Variants in GCA observed in about 807,000 individuals in gnomAD.
The protein encoded by GCA is grancalcin, also known as grancalcin, EF-hand calcium-binding protein.
Under a neutral mutation model 32.6 loss-of-function variants are expected in GCA, and 30 were observed. The observed-to-expected ratio is 0.92, with a 90% CI of 0.69 to 1.25. The LOEUF (loss-of-function observed/expected upper bound fraction) is 1.25, where lower values mean the gene tolerates loss of function less well. GCA is among the 50% of genes most tolerant of loss of function. The pLI is 0.00. For synonymous variants in GCA, 102 were observed against 84.6 expected, an observed-to-expected ratio of 1.21 and a Z score of -1.13; for missense variants, 291 against 266.8, an observed-to-expected ratio of 1.09 and a Z score of -0.63.
intron 3 of GCA, among the ~76,000 whole-genome samples, chr2:162,355,829 G>A (rs964367894): frequency 1.3e-5 from 2 of 149,826 alleles, no homozygotes; most frequent in Non-Finnish European, 3.0e-5. Flanking sequence ...AATTACCAAT[G>A]GACTTACCTA....
chr2:162,347,620 C>T lies in GCA; in HGVS notation c.70C>T (p.Gln24Ter). The change falls in exon 2 of 8, where the codon CAG becomes TAG. Residue 24 changes from glutamine to a stop codon, truncating the protein, a stop_gained. Transcript: ENST00000437150. LOFTEE classifies it high-confidence loss of function. ...TCAGGTGCCAGGAATGCAGATGGGA[C>T]AGCCAGTGCCAGAAACAGGCCCAGC... ...SIQVPGMQMG[Q>*]PVPETGPAIL... is the part of the protein sequence containing the mutation. 3.7e-6 allele frequency: 6 copies of T among 1,609,714 alleles called. No individual in the cohort carries two copies. Among genetic ancestry groups the T allele is most frequent in the Non-Finnish European group, 5.1e-6 (6 of 1,177,114 alleles).
chr2:162,318,842 A>T, upstream of GCA: 1 of 183,538 alleles, frequency 5.4e-6, no homozygotes, highest in Non-Finnish European at 1.2e-5. Context: ...CAGAAAAGGA[A>T]AGCGAATTCT....
At chr2:162,332,010 T>C (rs1262924821) in intron 1 of GCA, among the ~76,000 whole-genome samples, 1 of 152,068 alleles carries the variant, frequency 6.6e-6, no homozygotes, top group African/African-American at 2.4e-5. Flanking sequence ...TTAGGCATTA[T>C]ATAAAATACA....
chr2:162,350,262 G>A (rs554652628), intron 2 of GCA, among the ~76,000 whole-genome samples: 2 of 152,304 alleles, frequency 1.3e-5, no homozygotes, highest in East Asian at 3.9e-4. Flanking sequence ...CTGGAAAGGG[G>A]ACTTGAGGTA....
In GCA at chr2:162,326,677, C is replaced by A. The variant is rs536864682; in HGVS notation, c.-31+7452C>A. Among the ~76,000 whole-genome samples, 10 of 152,274 alleles carry A rather than the reference C, an allele frequency of 6.6e-5. No individual in the cohort carries two copies. The South Asian group carries it at 8.3e-4, about 13-fold the overall frequency. ...GACTACAGGCAAGCCCCACCATGCC[C>A]AACTAATTTTTTGTATTTTTAGTAG... On this transcript the variant is annotated intron_variant, in intron 1 of 4. Transcript: ENST00000429691.
intron 1 of GCA, among the ~76,000 whole-genome samples, chr2:162,331,947 A>G (rs560779647): frequency 2.4e-4 from 36 of 152,310 alleles, no homozygotes; most frequent in South Asian, 1.0e-3. Flanking sequence ...TTCATCTGCT[A>G]AATTCATTGG....
rs186980506 is a variant in GCA at position 162,326,664 on chromosome 2, G to A, written c.-31+7439G>A. On this transcript the variant is annotated intron_variant, in intron 1 of 4. Transcript: ENST00000429691. ...CCCAAGTAGCTGGGACTACAGGCAA[G>A]CCCCACCATGCCCAACTAATTTTTT... Among the ~76,000 whole-genome samples the A allele has an allele frequency of 4.4e-3, 673 of 152,224 alleles. 8 individuals carry two copies. Among genetic ancestry groups the A allele is most frequent in the African/African-American group, 0.015 (639 of 41,542 alleles).
chr2:162,332,308 CAAAA>C (rs1230075576), intron 1 of GCA, among the ~76,000 whole-genome samples: 9 of 111,110 alleles, frequency 8.1e-5, no homozygotes, highest in Admixed American at 4.2e-4. Flanking sequence ...GACTCCATCT[CAAAA>C]AAAAAAAAAA....
At chr2:162,359,337 T>C (rs1685452840) in intron 6 of GCA, 157 bp from the exon 7 acceptor site, 1 of 590,006 alleles carries the variant, frequency 1.7e-6, no homozygotes. Context: ...CGTTATGTTA[T>C]TTTTGGAAGT....
chr2:162,343,974 T>G, upstream of GCA: 1 of 501,192 alleles, frequency 2.0e-6, no homozygotes, highest in Non-Finnish European at 3.6e-6. Flanking sequence ...CCCGATGGGG[T>G]GTAGCCAATC....
downstream of GCA, chr2:162,373,744 C>A: frequency 1.1e-6 from 1 of 907,762 alleles, no homozygotes; most frequent in Non-Finnish European, 1.5e-6. Context: ...TCAGCACTAC[C>A]AAGAAACAGA....
intron 1 of GCA, among the ~76,000 whole-genome samples, chr2:162,321,087 T>C (rs1375911630): frequency 6.6e-6 from 1 of 152,190 alleles, no homozygotes; most frequent in Non-Finnish European, 1.5e-5. Flanking sequence ...ATAGTCTTGA[T>C]GGGACCCTTT....
chr2:162,320,351 A>G (rs1683618459), intron 1 of GCA, among the ~76,000 whole-genome samples: 1 of 152,222 alleles, frequency 6.6e-6, no homozygotes, highest in African/African-American at 2.4e-5. Flanking sequence ...TGGGTCTATG[A>G]AAATATCTTT....
At chr2:162,353,199 G>A (rs1160328691) in intron 3 of GCA, among the ~76,000 whole-genome samples, 2 of 152,130 alleles carry the variant, frequency 1.3e-5, no homozygotes, top group East Asian at 1.9e-4. Context: ...GCCAGGCGCC[G>A]TGGCTCATGC....
upstream of GCA, among the ~76,000 whole-genome samples, chr2:162,340,324 C>T (rs1006943165): frequency 6.6e-6 from 1 of 152,184 alleles, no homozygotes; most frequent in African/African-American, 2.4e-5. Flanking sequence ...CTTGATTTGG[C>T]ACTATCCCAA....
chr2:162,346,730 G>A (rs1043120961), intron 1 of GCA: 2 of 152,194 alleles, frequency 1.3e-5, no homozygotes, highest in African/African-American at 4.8e-5. Flanking sequence ...AGTTTCAAAT[G>A]AGTCAAAATT....
Position 162,359,548 on chromosome 2 carries a change from A to G in GCA, c.623A>G (p.Asp208Gly), listed in dbSNP as rs1219634675. ...CAAGGGTCTGCGAATTTCATATATG[A>G]CGATGTGAGTATCCTGCTTTTGATA... Reference protein sequence around the residue: ...LQQGSANFIYDDFLQGTMAI With the variant: ...LQQGSANFIYGDFLQGTMAI Residue 208 changes from aspartate (D) to glycine (G), a missense_variant, in exon 7 of 8, where the codon GAC becomes GGC. Coordinates refer to ENST00000437150, the MANE Select transcript of GCA (RefSeq NM_012198.5). The G allele has an allele frequency of 1.3e-6, 2 of 1,511,160 alleles. No homozygotes were observed. The highest frequency in any genetic ancestry group is 1.2e-5 in the South Asian group (1 of 84,866). The allele number at this position is 1,511,160 out of a possible 1,614,324, so 93.6% of individuals were successfully genotyped here.
In GCA at chr2:162,360,899, G is replaced by A; in HGVS notation, c.*656G>A. ...AAATATGTTTTATTGTCTTCTCTAA[G>A]CAAAAAGTTCTTAATAAACATAGTA... On this transcript the variant is annotated 3_prime_UTR_variant, in exon 8 of 8. Transcript: ENST00000437150. 1 of 1,141,334 alleles carries A rather than the reference G, an allele frequency of 8.8e-7. No homozygotes were observed. The highest frequency in any genetic ancestry group is 1.1e-6 in the Non-Finnish European group (1 of 917,890). 70.7% of individuals were successfully genotyped at this position (1,141,334 alleles called of 1,614,324 possible).
chr2:162,354,503 G>A (rs1685161125), intron 3 of GCA, among the ~76,000 whole-genome samples: 1 of 152,222 alleles, frequency 6.6e-6, no homozygotes, highest in Non-Finnish European at 1.5e-5. Flanking sequence ...TGGGTTGGAA[G>A]TAGGTGTAGC....
Sources: gnomAD v4.1 joint callset for allele counts (sites outside exome capture counted in the v4.1 genomes callset) on GRCh38, gnomAD v4.1.1 for gene constraint, MANE v1.5 for transcripts, NCBI Gene and HGNC (gene_info 2026-07-23, HGNC 2026-07-21) for gene names.